The following BSPRY variants were observed in gnomAD, a reference collection of about 807,000 sequenced individuals.
The protein encoded by BSPRY is B-box and SPRY domain containing.
Under a neutral mutation model 38.0 loss-of-function variants are expected in BSPRY, and 33 were observed. The ratio of observed to expected loss-of-function variants is 0.87; its 90% CI spans 0.66 to 1.16. The LOEUF (loss-of-function observed/expected upper bound fraction) is 1.16. Ranked by LOEUF, BSPRY falls within the 50% of genes most tolerant of loss-of-function variation. The pLI is 0.00. For missense variants in BSPRY, 523 were observed against 533.2 expected, an observed-to-expected ratio of 0.98 and a Z score of 0.19; for synonymous variants, 224 against 228.5, an observed-to-expected ratio of 0.98 and a Z score of 0.18.
Position 113,361,852 on chromosome 9 carries a change from G to A in BSPRY, c.532-517G>A, listed in dbSNP as rs539325191. Among the ~76,000 whole-genome samples the A allele has an allele frequency of 2.6e-5, 4 of 152,240 alleles. No individual in the cohort carries two copies. In the East Asian group the frequency reaches 7.7e-4, roughly 29 times the overall value. On this transcript the variant is annotated intron_variant, in intron 3 of 5. Coordinates refer to ENST00000374183, the MANE Select transcript of BSPRY (RefSeq NM_017688.3). ...GCTGCCTGCAGTTTTGAGGGGAGAA[G>A]GTGGCATCTGAGTCACAAGCAGAGG...
chr9:113,368,965 G>A (rs1160180759), intron 5 of BSPRY, among the ~76,000 whole-genome samples: 1 of 151,434 alleles, frequency 6.6e-6, no homozygotes, highest in African/African-American at 2.4e-5. Context: ...CACAATTCGT[G>A]GAACAGTTAG....
chr9:113,351,133 A>G (rs1833964507), intron 1 of BSPRY, among the ~76,000 whole-genome samples: 1 of 152,158 alleles, frequency 6.6e-6, no homozygotes, highest in Admixed American at 6.5e-5. Context: ...AGTAGCTATC[A>G]GGACTGGATT....
chr9:113,356,373 C>T (rs533910582), intron 2 of BSPRY, among the ~76,000 whole-genome samples: 3 of 152,104 alleles, frequency 2.0e-5, no homozygotes, highest in East Asian at 3.9e-4. Context: ...GGCATGGTGG[C>T]GGGCGCCTGT....
At chr9:113,362,240 G>A (rs1834166862) in intron 3 of BSPRY, 129 bp from the exon 4 acceptor site, 2 of 712,416 alleles carry the variant, frequency 2.8e-6, no homozygotes, top group South Asian at 1.5e-5. Context: ...GCTTTATGCT[G>A]GTCTTAAAGA....
chr9:113,350,800 A>G (rs570842593), intron 1 of BSPRY, among the ~76,000 whole-genome samples: 5 of 152,268 alleles, frequency 3.3e-5, no homozygotes, highest in African/African-American at 1.2e-4. Context: ...TACCTCTATC[A>G]ACAATAATGA....
At chr9:113,366,559 T>C (rs1834255921) in intron 4 of BSPRY, among the ~76,000 whole-genome samples, 1 of 152,196 alleles carries the variant, frequency 6.6e-6, no homozygotes, top group African/African-American at 2.4e-5. Context: ...TTCCACCCCT[T>C]TGGGGCCATG....
At chr9:113,361,630 A>T (rs1259308952) in intron 3 of BSPRY, among the ~76,000 whole-genome samples, 1 of 152,176 alleles carries the variant, frequency 6.6e-6, no homozygotes, top group Non-Finnish European at 1.5e-5. Flanking sequence ...TGCCTGAAAG[A>T]TAAGAAAACT....
intron 4 of BSPRY, among the ~76,000 whole-genome samples, chr9:113,366,917 G>A (rs1834262859): frequency 6.6e-6 from 1 of 152,190 alleles, no homozygotes; most frequent in Non-Finnish European, 1.5e-5. Context: ...CATGAGATAT[G>A]GGGAGAGAGT....
In BSPRY at chr9:113,370,410, T is replaced by TAA. The variant is rs11351890; in HGVS notation, c.*282_*283dup. On this transcript the variant is annotated 3_prime_UTR_variant, in exon 6 of 6. Coordinates refer to ENST00000374183, the MANE Select transcript of BSPRY (RefSeq NM_017688.3). The surrounding 1 kb of genome is among the most constrained non-coding windows in gnomAD (Gnocchi z 4.8). The stretch of plus-strand genomic sequence containing the variant: ...AATACACTAACGATAGCTGATGAGC[T>TAA]AAAAAAAAAAAAAAAGTCTGTGTAT... The TAA allele has an allele frequency of 0.014, 3,073 of 227,028 alleles. 18 individuals carry two copies. The highest frequency in any genetic ancestry group is 0.036 in the Middle Eastern group (27 of 746). 14.1% of individuals were successfully genotyped at this position (227,028 alleles called of 1,614,324 possible). A position where few individuals can be genotyped will look rare whatever the true frequency, so the allele number is the denominator to read the frequency against.
At position 113,349,720 on chromosome 9, in the gene BSPRY, G is replaced by C. The variant is rs1833939392; in HGVS notation, c.141G>C (p.Leu47Phe). ...RRPVCAACAGLGGRCRGHRIR... is the reference protein window; with the variant it reads ...RRPVCAACAGFGGRCRGHRIR... ...CCGTGTGCGCCGCCTGCGCGGGGTT[G>C]GGCGGTCGCTGCCGGGGGCACCGCA... Residue 47 changes from leucine (L) to phenylalanine (F), a missense_variant, in exon 1 of 6, where the codon TTG becomes TTC. Transcript: ENST00000374183. 4.0e-6 allele frequency: 5 copies of C among 1,240,246 alleles called. No homozygotes were observed. The highest frequency in any genetic ancestry group is 5.0e-6 in the Non-Finnish European group (5 of 994,402). The allele number at this position is 1,240,246 out of a possible 1,614,324, so 76.8% of individuals were successfully genotyped here. A position where few individuals can be genotyped will look rare whatever the true frequency, so the allele number is the denominator to read the frequency against.
chr9:113,349,724 G>T lies in BSPRY; in HGVS notation c.145G>T (p.Gly49Cys), dbSNP rs910133200. 1.6e-6 allele frequency: 2 copies of T among 1,239,664 alleles called. No individual in the cohort carries two copies. The highest frequency in any genetic ancestry group is 4.3e-5 in the Admixed American group (1 of 23,290). The allele number at this position is 1,239,664 out of a possible 1,614,324, so 76.8% of individuals were successfully genotyped here. A position where few individuals can be genotyped will look rare whatever the true frequency, so the allele number is the denominator to read the frequency against. Reference sequence around the variant, plus strand: ...GTGCGCCGCCTGCGCGGGGTTGGGCGGTCGCTGCCGGGGGCACCGCATCCG... The same window carrying T: ...GTGCGCCGCCTGCGCGGGGTTGGGCTGTCGCTGCCGGGGGCACCGCATCCG... ...PVCAACAGLGGRCRGHRIRRA... is the reference protein window; with the variant it reads ...PVCAACAGLGCRCRGHRIRRA... Residue 49 changes from glycine to cysteine, a missense_variant, in exon 1 of 6, where the codon GGT becomes TGT. By Grantham distance (159) the Gly-to-Cys change is radical. Transcript: ENST00000374183.
intron 4 of BSPRY, 48 bp downstream of exon 4, chr9:113,362,442 G>C: frequency 6.3e-7 from 1 of 1,589,382 alleles, no homozygotes; most frequent in Non-Finnish European, 8.6e-7. Flanking sequence ...GAGACCCTTA[G>C]ACCTCTTCAC....
At chr9:113,359,643 A>G (rs1330512571) in intron 2 of BSPRY, among the ~76,000 whole-genome samples, 3 of 152,176 alleles carry the variant, frequency 2.0e-5, no homozygotes, top group African/African-American at 4.8e-5. Flanking sequence ...GTGTAGGGGA[A>G]TGGGACTGGA....
intron 5 of BSPRY, among the ~76,000 whole-genome samples, chr9:113,369,092 T>C (rs944569951): frequency 3.3e-5 from 5 of 152,202 alleles, no homozygotes; most frequent in African/African-American, 1.2e-4. Context: ...AAATGATGCC[T>C]GATTTACCAG....
intron 4 of BSPRY, among the ~76,000 whole-genome samples, chr9:113,367,101 T>G (rs1834264891): frequency 6.6e-6 from 1 of 152,248 alleles, no homozygotes; most frequent in South Asian, 2.1e-4. Context: ...TTATGTTGAA[T>G]GCTGCCTGGG....
intron 2 of BSPRY, among the ~76,000 whole-genome samples, chr9:113,359,027 C>G (rs916876220): frequency 3.1e-5 from 4 of 130,062 alleles, no homozygotes; most frequent in African/African-American, 9.3e-5. Flanking sequence ...GACTGTGTCT[C>G]TTAAAGAAAA....
In BSPRY at chr9:113,354,247, T is replaced by A; in HGVS notation, c.209T>A (p.Ile70Asn). The A allele has an allele frequency of 6.2e-7, 1 of 1,613,958 alleles. No individual in the cohort carries two copies. The highest frequency in any genetic ancestry group is 8.5e-7 in the Non-Finnish European group (1 of 1,179,892). ...EERAEELRNK[I>N]VDQCERLQLQ... ...GCGTTGTTTGTGTTGCAGAACAAGA[T>A]TGTGGACCAGTGTGAGAGGCTGCAG... is the stretch of plus-strand genomic sequence containing the variant. Residue 70 changes from isoleucine (I) to asparagine (N), a missense_variant, in exon 2 of 6, where the codon ATT (isoleucine) becomes AAT (asparagine). Physicochemically the swap from Ile to Asn is moderately radical, Grantham distance 149 (BLOSUM62 -3). Transcript: ENST00000374183.
At chr9:113,352,314 G>A (rs771014992) in intron 1 of BSPRY, among the ~76,000 whole-genome samples, 1 of 152,190 alleles carries the variant, frequency 6.6e-6, no homozygotes, top group Middle Eastern at 3.2e-3. Context: ...TGTTCCAGTG[G>A]TGGGGGAGAC....
chr9:113,354,165 G>T, intron 1 of BSPRY, 75 bp from the exon 2 acceptor site: 1 of 1,264,732 alleles, frequency 7.9e-7, no homozygotes, highest in African/African-American at 1.5e-5. Flanking sequence ...TGTGGTAACA[G>T]GAGAAAATCA....
Sources: gnomAD v4.1 joint callset for allele counts (sites outside exome capture counted in the v4.1 genomes callset) on GRCh38, gnomAD v4.1.1 for gene constraint, Gnocchi (gnomAD v3.1) non-coding constraint, MANE v1.5 for transcripts, NCBI Gene and HGNC (gene_info 2026-07-23, HGNC 2026-07-21) for gene names.